Variants in PRKG1 observed in about 807,000 individuals in gnomAD.
The protein encoded by PRKG1 is cGMP-dependent protein kinase 1.
A neutral mutation model predicts 88.1 loss-of-function variants in PRKG1; 35 were observed. The ratio of observed to expected loss-of-function variants is 0.40; its 90% CI spans 0.30 to 0.53. PRKG1 has a LOEUF of 0.53. Among genes scored for constraint, PRKG1 ranks in the 20% least tolerant of loss-of-function variants. PRKG1 has a pLI of 0.59. For synonymous variants in PRKG1, 303 were observed against 292.5 expected, an observed-to-expected ratio of 1.04 and a Z score of -0.37; for missense variants, 540 against 839.8, an observed-to-expected ratio of 0.64 and a Z score of 4.41.
intron 5 of PRKG1, among the ~76,000 whole-genome samples, chr10:51,931,335 T>C (rs1842690884): frequency 6.6e-6 from 1 of 152,166 alleles, no homozygotes; most frequent in Admixed American, 6.6e-5. Flanking sequence ...GCTAGAGGAC[T>C]GGGTGCAGTA....
At chr10:51,184,645 C>T (rs1215625223) in intron 2 of PRKG1, among the ~76,000 whole-genome samples, 2 of 151,802 alleles carry the variant, frequency 1.3e-5, no homozygotes, top group Non-Finnish European at 2.9e-5. Flanking sequence ...GGATGATTAG[C>T]CAGATCCAAA....
At chr10:52,110,635 C>G (rs1406113819) in intron 7 of PRKG1, among the ~76,000 whole-genome samples, 1 of 151,914 alleles carries the variant, frequency 6.6e-6, no homozygotes, top group Non-Finnish European at 1.5e-5. Flanking sequence ...TTTTTAGAGC[C>G]GAGACATAGT....
chr10:52,211,696 T>G (rs1839976083), intron 9 of PRKG1, among the ~76,000 whole-genome samples: 1 of 112,470 alleles, frequency 8.9e-6, no homozygotes, highest in Non-Finnish European at 1.8e-5. Flanking sequence ...ATACCTATCC[T>G]GGTAAAAAAA....
At chr10:51,277,666 C>T (rs1002189286) in intron 2 of PRKG1, among the ~76,000 whole-genome samples, 2 of 152,152 alleles carry the variant, frequency 1.3e-5, no homozygotes, top group African/African-American at 4.8e-5. Flanking sequence ...TTGAAGAGGT[C>T]CTTCACATCC....
At chr10:51,164,674 T>A (rs1463775243) in intron 2 of PRKG1, among the ~76,000 whole-genome samples, 1 of 152,010 alleles carries the variant, frequency 6.6e-6, no homozygotes, top group Non-Finnish European at 1.5e-5. Flanking sequence ...AATGTATAAC[T>A]AGAATAACCA....
intron 2 of PRKG1, among the ~76,000 whole-genome samples, chr10:51,215,061 G>A (rs1838335078): frequency 6.6e-6 from 1 of 152,082 alleles, no homozygotes; most frequent in Non-Finnish European, 1.5e-5. Context: ...AAAGGTCAGG[G>A]ACAGCAATCC....
At chr10:51,470,705 T>A (rs1250405537) in intron 3 of PRKG1, among the ~76,000 whole-genome samples, 1 of 151,930 alleles carries the variant, frequency 6.6e-6, no homozygotes, top group Non-Finnish European at 1.5e-5. Flanking sequence ...ATATGATCAG[T>A]ACACCTGTGG....
At chr10:52,262,793 T>A (rs1372337079) in intron 10 of PRKG1, among the ~76,000 whole-genome samples, 1 of 152,130 alleles carries the variant, frequency 6.6e-6, no homozygotes, top group Non-Finnish European at 1.5e-5. Flanking sequence ...TATTTGCATA[T>A]ACACACATTC....
At chr10:51,267,388 A>G (rs1402555966) in intron 2 of PRKG1, among the ~76,000 whole-genome samples, 2 of 152,214 alleles carry the variant, frequency 1.3e-5, no homozygotes, top group Non-Finnish European at 2.9e-5. Flanking sequence ...CATATAAAAT[A>G]TAATAAGTTA....
chr10:51,308,837 C>G (rs1043914864), intron 2 of PRKG1, among the ~76,000 whole-genome samples: 1 of 152,046 alleles, frequency 6.6e-6, no homozygotes, highest in Admixed American at 6.6e-5. Context: ...AACTGGAACC[C>G]AGTCTTCTGA....
rs148426317 is a variant in PRKG1, at chr10:51,440,763, A to G, written c.479-26960A>G. On this transcript the variant is annotated intron_variant, in intron 2 of 17. Coordinates refer to ENST00000373980, the MANE Select transcript of PRKG1 (RefSeq NM_006258.4). ...TTCCGCCATGGTGAAATGCTATTGC[A>G]TTTTTCTGCTTAAAAAATCTTTGTG... Among the ~76,000 whole-genome samples, 17 of 152,010 alleles carry G rather than the reference A, an allele frequency of 1.1e-4. No individual in the cohort carries two copies. The East Asian group carries it at 3.3e-3, about 30-fold the overall frequency.
intron 3 of PRKG1, among the ~76,000 whole-genome samples, chr10:51,593,741 T>C (rs1322739805): frequency 6.6e-6 from 1 of 151,974 alleles, no homozygotes; most frequent in Non-Finnish European, 1.5e-5. Flanking sequence ...CTTTTTTTTT[T>C]TAAGACGGAG....
intron 2 of PRKG1, among the ~76,000 whole-genome samples, chr10:51,327,751 G>A (rs1201111839): frequency 6.6e-6 from 1 of 152,106 alleles, no homozygotes; most frequent in Admixed American, 6.5e-5. Context: ...AAGTATCTGA[G>A]TATATAAATA....
intron 2 of PRKG1, among the ~76,000 whole-genome samples, chr10:51,335,494 A>G (rs1841852730): frequency 6.6e-6 from 1 of 152,156 alleles, no homozygotes; most frequent in African/African-American, 2.4e-5. Context: ...CTATATCAGA[A>G]TTTAATATAA....
At chr10:51,842,267 G>A (rs1259824034) in intron 4 of PRKG1, among the ~76,000 whole-genome samples, 1 of 152,206 alleles carries the variant, frequency 6.6e-6, no homozygotes, top group Admixed American at 6.5e-5. Flanking sequence ...AGTGAAAACT[G>A]TCAATCTGGG....
At chr10:51,984,867 T>G (rs1844112275) in intron 5 of PRKG1, among the ~76,000 whole-genome samples, 1 of 152,184 alleles carries the variant, frequency 6.6e-6, no homozygotes, top group African/African-American at 2.4e-5. Context: ...AGGCTGGTAC[T>G]TGGTAAGGCA....
At chr10:51,150,882 A>G (rs929565618) in intron 1 of PRKG1, among the ~76,000 whole-genome samples, 1 of 152,052 alleles carries the variant, frequency 6.6e-6, no homozygotes, top group Non-Finnish European at 1.5e-5. Flanking sequence ...ACAGATTAAT[A>G]ATCTTATTTA....
intron 3 of PRKG1, among the ~76,000 whole-genome samples, chr10:51,576,118 G>A (rs971968063): frequency 2.0e-5 from 3 of 151,844 alleles, no homozygotes; most frequent in African/African-American, 7.2e-5. Flanking sequence ...AGCTTCAAGA[G>A]GTGAAGTAAC....
rs200108944 is a variant in PRKG1 at position 51,114,711 on chromosome 10, AT to A, written c.312-38446del. On this transcript the variant is annotated intron_variant, in intron 1 of 17. Transcript: ENST00000373980. ...GGATAGAGGAGGAGGCAGCTTTATT[AT>A]TTTTTTCTGACTGGTGTACTCTTTT... is the stretch of plus-strand genomic sequence containing the variant. Among the ~76,000 whole-genome samples, 73 of 152,064 alleles carry A rather than the reference AT, an allele frequency of 4.8e-4. No homozygotes were observed. The East Asian group carries it at 0.013, about 28-fold the overall frequency.
Sources: allele counts gnomAD v4.1 joint callset (sites outside exome capture counted in the v4.1 genomes callset), GRCh38; gene constraint gnomAD v4.1.1; transcripts MANE v1.5; gene names NCBI Gene and HGNC (gene_info 2026-07-23, HGNC 2026-07-21).